Variants in KCNC3 observed in about 807,000 individuals in gnomAD.
KCNC3 encodes the protein voltage-gated potassium channel KCNC3.
In KCNC3, 22 loss-of-function variants were observed where a neutral mutation model predicts 43.9. The ratio of observed to expected loss-of-function variants is 0.50; its 90% CI spans 0.36 to 0.72. KCNC3 has a LOEUF of 0.72. Ranked by LOEUF, KCNC3 falls within the 30% of genes least tolerant of loss-of-function variation. The probability of loss-of-function intolerance (pLI) is 0.00; values close to 1 mark genes in which losing one functional copy is unlikely to be tolerated. For synonymous variants in KCNC3, 492 were observed against 488.0 expected (o/e 1.01, Z -0.11); for missense variants, 829 against 1,073.8 (o/e 0.77, Z 3.19).
chr19:50,312,915 G>A lies in KCNC3; in HGVS notation c.*3200C>T, dbSNP rs1004474702. Reference sequence around the variant, plus strand: ...CCCACCCCTCACCCCTGCTTCACCAGGGTTTAGGGTCCGAGGGAAGGATGG... The same window carrying A: ...CCCACCCCTCACCCCTGCTTCACCAAGGTTTAGGGTCCGAGGGAAGGATGG... On this transcript the variant is annotated 3_prime_UTR_variant, in exon 5 of 5. Transcript: ENST00000477616. 4.0e-5 allele frequency: 6 copies of A among 151,854 alleles called. No individual in the cohort carries two copies. Among genetic ancestry groups the A allele is most frequent in the African/African-American group, 1.5e-4 (6 of 41,360 alleles). The allele number at this position is 151,854 out of a possible 1,614,324, so 9.4% of individuals were successfully genotyped here.
At chr19:50,317,659 C>A (rs958778582) in intron 4 of KCNC3, among the ~76,000 whole-genome samples, 2 of 152,132 alleles carry the variant, frequency 1.3e-5, no homozygotes, top group African/African-American at 4.8e-5. Flanking sequence ...TCCTTGCTGT[C>A]CCTTGAACAA....
chr19:50,333,086 A>G (rs888687738), upstream of KCNC3, among the ~76,000 whole-genome samples: 4 of 152,092 alleles, frequency 2.6e-5, no homozygotes, highest in Non-Finnish European at 4.4e-5. Context: ...CCCCGCTATA[A>G]TCTTTGGGTC....
At position 50,323,077 on chromosome 19, in the gene KCNC3, CCCT is replaced by C. The variant is rs1568571653; in HGVS notation, c.1873_1875del (p.Arg625del). 1.4e-5 allele frequency: 21 copies of C among 1,539,642 alleles called. No individual in the cohort carries two copies. Among genetic ancestry groups the C allele is most frequent in the Non-Finnish European group, 1.8e-5 (21 of 1,143,582 alleles). On this transcript the variant is annotated inframe_deletion, in exon 2 of 5. Coordinates refer to ENST00000477616, the MANE Select transcript of KCNC3 (RefSeq NM_004977.3). ...ATGATCCCCAGCCCACCCGCTCCCC[CCCT>C]GAGCAGCCCGGGGTGCGTGTGGGGC...
chr19:50,323,905 A>T lies in KCNC3; in HGVS notation c.1048T>A (p.Tyr350Asn). 1 of 1,614,182 alleles carries T rather than the reference A, an allele frequency of 6.2e-7. No individual in the cohort carries two copies. The highest frequency in any genetic ancestry group is 1.3e-5 in the African/African-American group (1 of 75,038). ...VEVETEPFLT[Y>N]VEGVCVVWFT... ...CAGACCACGCACACCCCCTCCACGTAGGTCAGGAAGGGCTCCGTCTCCACC... is the reference window on the plus strand; with the variant it reads ...CAGACCACGCACACCCCCTCCACGTTGGTCAGGAAGGGCTCCGTCTCCACC... The change falls in exon 2 of 5, where the codon TAC (tyrosine) becomes AAC (asparagine). Residue 350 changes from tyrosine to asparagine, a missense_variant. Physicochemically the swap from Tyr to Asn is moderately radical, Grantham distance 143 (BLOSUM62 -2). Around this residue, in one of 7 missense-constraint regions of KCNC3, gnomAD observed 157 missense variants for 293.5 expected, o/e 0.53. Transcript: ENST00000477616.
At chr19:50,327,661 T>G (rs2037122416) in intron 1 of KCNC3, among the ~76,000 whole-genome samples, 2 of 150,968 alleles carry the variant, frequency 1.3e-5, no homozygotes, top group Non-Finnish European at 1.5e-5. Context: ...GACTGAGAGT[T>G]GAATAGGGGG....
At chr19:50,326,845 G>A (rs2037112570) in intron 1 of KCNC3, among the ~76,000 whole-genome samples, 2 of 145,090 alleles carry the variant, frequency 1.4e-5, no homozygotes, top group Admixed American at 6.8e-5. Flanking sequence ...CTAGAATTTG[G>A]AGAGAGAGAG....
At chr19:50,319,406 A>G (rs1051497980) in intron 4 of KCNC3, among the ~76,000 whole-genome samples, 4 of 151,878 alleles carry the variant, frequency 2.6e-5, no homozygotes, top group African/African-American at 9.7e-5. Flanking sequence ...CTCCTCCCCA[A>G]GCCCCTAGAC....
Position 50,313,556 on chromosome 19 carries a change from A to G in KCNC3, c.*2559T>C, listed in dbSNP as rs599751. On this transcript the variant is annotated 3_prime_UTR_variant, in exon 5 of 5. Coordinates refer to ENST00000477616, the MANE Select transcript of KCNC3 (RefSeq NM_004977.3). ...CCTTTGGGGCACCATCTCAGGGAAG[A>G]GACTCAGGGTTAGGCGTAAGACAAA... 136,397 of 152,210 alleles carry G rather than the reference A, an allele frequency of 0.9. 61,178 individuals are homozygous for G. The highest frequency in any genetic ancestry group is 1 in the East Asian group (5,154 of 5,162). The allele number at this position is 152,210 out of a possible 1,614,324, so 9.4% of individuals were successfully genotyped here. A position where few individuals can be genotyped will look rare whatever the true frequency, so the allele number is the denominator to read the frequency against.
intron 1 of KCNC3, among the ~76,000 whole-genome samples, chr19:50,325,388 G>A (rs2037089593): frequency 6.6e-6 from 1 of 152,156 alleles, no homozygotes; most frequent in African/African-American, 2.4e-5. Flanking sequence ...GGACCACAGA[G>A]AGGACCTTGG....
rs2036906206 is a variant in KCNC3, at chr19:50,313,458, C to T, written c.*2657G>A. 6.6e-6 allele frequency: 1 copy of T among 152,226 alleles called. No homozygotes were observed. The highest frequency in any genetic ancestry group is 2.4e-5 in the African/African-American group (1 of 41,452). 9.4% of individuals were successfully genotyped at this position (152,226 alleles called of 1,614,324 possible). On this transcript the variant is annotated 3_prime_UTR_variant, in exon 5 of 5. Transcript: ENST00000477616. The stretch of plus-strand genomic sequence containing the variant: ...AAAACAAGTGTTTGTCCTCATACTG[C>T]CTCAAACCTTAGCACACCACCAAAG...
At chr19:50,326,153 G>T (rs1601100724) in intron 1 of KCNC3, among the ~76,000 whole-genome samples, 1 of 152,184 alleles carries the variant, frequency 6.6e-6, no homozygotes, top group South Asian at 2.1e-4. Context: ...ATCACTGGGA[G>T]GCTGGAAAGG....
rs186110135 is a variant in KCNC3 at position 50,317,455 on chromosome 19, C to G, written c.*24-1364G>C. The stretch of plus-strand genomic sequence containing the variant: ...TGGACAGGGATCCTTTAGGATGTGT[C>G]TCTGCATTTCTAAAGAAGATTCCAC... On this transcript the variant is annotated intron_variant, in intron 4 of 4. Transcript: ENST00000477616. Among the ~76,000 whole-genome samples, 14 of 152,220 alleles carry G rather than the reference C, an allele frequency of 9.2e-5. No homozygotes were observed. The East Asian group carries it at 2.3e-3, about 25-fold the overall frequency.
At chr19:50,330,313 T>C (rs1213789011), upstream of KCNC3, among the ~76,000 whole-genome samples, 1 of 150,688 alleles carries the variant, frequency 6.6e-6, no homozygotes, top group Non-Finnish European at 1.5e-5. Context: ...GAATGGGCGG[T>C]AGGAAAGAGA....
At position 50,328,207 on chromosome 19, in the gene KCNC3, G is replaced by T. The variant is rs571228704; in HGVS notation, c.870+6C>A. The stretch of plus-strand genomic sequence containing the variant: ...GGGTGGATGGGGGCCCCGAGAGCGC[G>T]CTCACCCTGGCAGCCCGCGACGAGT... On this transcript the variant is annotated splice_donor_region_variant and intron_variant, in intron 1 of 4. Coordinates refer to ENST00000477616, the MANE Select transcript of KCNC3 (RefSeq NM_004977.3). The T allele has an allele frequency of 8.7e-5, 103 of 1,189,142 alleles. No homozygotes were observed. The East Asian group carries it at 3.6e-3, about 41-fold the overall frequency. The allele number at this position is 1,189,142 out of a possible 1,614,324, so 73.7% of individuals were successfully genotyped here. A position where few individuals can be genotyped will look rare whatever the true frequency, so the allele number is the denominator to read the frequency against.
upstream of KCNC3, among the ~76,000 whole-genome samples, chr19:50,330,449 G>C (rs1439532351): frequency 6.6e-6 from 1 of 152,012 alleles, no homozygotes; most frequent in Non-Finnish European, 1.5e-5. Flanking sequence ...ACTACAAAGA[G>C]TACAAAGCTA....
rs539831575 is a variant in KCNC3, at chr19:50,315,984, A to G, written c.*131T>C. 19 of 203,298 alleles carry G rather than the reference A, an allele frequency of 9.3e-5. No homozygotes were observed. Among genetic ancestry groups the G allele is most frequent in the Admixed American group, 5.8e-4 (9 of 15,452 alleles). 12.6% of individuals were successfully genotyped at this position (203,298 alleles called of 1,614,324 possible). The stretch of plus-strand genomic sequence containing the variant: ...AGGGAGGGCTTGGGGGGAGATTTGA[A>G]GCCCAGTGTCTTGGGGACACCCCCT... On this transcript the variant is annotated 3_prime_UTR_variant, in exon 5 of 5. Coordinates refer to ENST00000477616, the MANE Select transcript of KCNC3 (RefSeq NM_004977.3).
chr19:50,328,160 G>A, intron 1 of KCNC3, 53 bp downstream of exon 1: 1 of 1,056,422 alleles, frequency 9.5e-7, no homozygotes, highest in Non-Finnish European at 1.1e-6. Context: ...GGAGACTGGG[G>A]GCGCCTGGAG....
chr19:50,315,920 T>C lies in KCNC3; in HGVS notation c.*195A>G, dbSNP rs1205859280. ...GCTCTGTGGCTTTTCCAGGCAACGC[T>C]AAGGGAGCTGTCTGGACAAAAGGTG... On this transcript the variant is annotated 3_prime_UTR_variant, in exon 5 of 5. Coordinates refer to ENST00000477616, the MANE Select transcript of KCNC3 (RefSeq NM_004977.3). 5.9e-6 allele frequency: 2 copies of C among 339,444 alleles called. No individual in the cohort carries two copies. The highest frequency in any genetic ancestry group is 4.5e-5 in the East Asian group (1 of 22,014). The allele number at this position is 339,444 out of a possible 1,614,324, so 21.0% of individuals were successfully genotyped here.
intron 4 of KCNC3, among the ~76,000 whole-genome samples, chr19:50,317,174 G>C (rs938894261): frequency 6.6e-6 from 1 of 151,518 alleles, no homozygotes; most frequent in Non-Finnish European, 1.5e-5. Context: ...GGAGGGGAGT[G>C]GGGGGGTAAT....
Sources: gnomAD v4.1 joint callset for allele counts (sites outside exome capture counted in the v4.1 genomes callset) on GRCh38, gnomAD v4.1.1 for gene constraint, gnomAD v4.1.1 regional missense constraint, MANE v1.5 for transcripts, NCBI Gene and HGNC (gene_info 2026-07-23, HGNC 2026-07-21) for gene names.